ERICH3: variants seen among roughly 807,000 people sequenced by gnomAD.
ERICH3 encodes the protein glutamate-rich protein 3.
ERICH3 carries 126 observed loss-of-function variants against 131.1 expected under a neutral mutation model. That is an observed-to-expected ratio of 0.96 (90% CI 0.83 to 1.11). The LOEUF (loss-of-function observed/expected upper bound fraction) is 1.11, where lower values mean the gene tolerates loss of function less well. Among genes scored for constraint, ERICH3 ranks in the 50% most tolerant of loss-of-function variants. The pLI is 0.00. For missense variants in ERICH3, 2,050 were observed against 1,810.7 expected, an observed-to-expected ratio of 1.13 and a Z score of -2.40; for synonymous variants, 695 against 644.6, an observed-to-expected ratio of 1.08 and a Z score of -1.18.
chr1:74,571,710 C>T lies in ERICH3; in HGVS notation c.4000G>A (p.Gly1334Arg). Reference protein sequence around the residue: ...GNTQKNEGMGGGRVVAVEVLH... With the variant: ...GNTQKNEGMGRGRVVAVEVLH... ...ACTTCCACAGCCACAACCCTTCCTC[C>T]TCCCATGCCCTCATTCTTTTGTGTG... The change falls in exon 14 of 15, where the codon GGA becomes AGA. Residue 1334 changes from glycine (G) to arginine (R), a missense_variant. By Grantham distance (125) the Gly-to-Arg change is moderately radical. Coordinates refer to ENST00000326665, the MANE Select transcript of ERICH3 (RefSeq NM_001002912.5). 1 of 1,614,140 alleles carries T rather than the reference C, an allele frequency of 6.2e-7. No homozygotes were observed. Among genetic ancestry groups the T allele is most frequent in the Non-Finnish European group, 8.5e-7 (1 of 1,180,016 alleles).
Position 74,618,546 on chromosome 1 carries a change from A to G in ERICH3, c.1000+2188T>C, listed in dbSNP as rs71655502. Among the ~76,000 whole-genome samples, 322 of 152,310 alleles carry G rather than the reference A, an allele frequency of 2.1e-3. 1 individual carries two copies. The highest frequency in any genetic ancestry group is 3.0e-3 in the Non-Finnish European group (206 of 68,024). On this transcript the variant is annotated intron_variant, in intron 8 of 14. Transcript: ENST00000326665. ...AAAATTGTTACTTTATTTTGCACTT[A>G]AAATGAACCCAGGAAGCCATGGTTT...
rs41289214 is a variant in ERICH3, at chr1:74,573,280, C to T, written c.2430G>A (p.Arg810=). Residue 810 remains arginine (R), a synonymous_variant, in exon 14 of 15, where the codon AGG becomes AGA. Coordinates refer to ENST00000326665, the MANE Select transcript of ERICH3 (RefSeq NM_001002912.5). ...GCTGCTCTGCTGTTGGCTTCCACGC[C>T]CTCAAGGGAGCCTCATGAACAGCTC... ...EAGAVHEAPL[R]AWKPTAEQPE... is the part of the protein sequence containing the mutation. The T allele has an allele frequency of 0.012, 19,380 of 1,599,300 alleles. 152 individuals are homozygous for T. Among genetic ancestry groups the T allele is most frequent in the Non-Finnish European group, 0.014 (16,521 of 1,173,980 alleles).
At position 74,572,320 on chromosome 1, in the gene ERICH3, T is replaced by C. The variant is rs376202548; in HGVS notation, c.3390A>G (p.Ala1130=). Residue 1130 remains alanine (A), a synonymous_variant, in exon 14 of 15, where the codon GCA becomes GCG. Coordinates refer to ENST00000326665, the MANE Select transcript of ERICH3 (RefSeq NM_001002912.5). The part of the protein sequence containing the change: ...NEMGSDAENE[A]PVEASELSDN... ...CAGACAACTCAGAAGCCTCCACAGG[T>C]GCTTCGTTCTCAGCATCAGATCCCA... 132 of 1,613,788 alleles carry C rather than the reference T, an allele frequency of 8.2e-5. No individual in the cohort carries two copies. Among genetic ancestry groups the C allele is most frequent in the Non-Finnish European group, 9.3e-5 (110 of 1,179,976 alleles).
chr1:74,620,425 T>C (rs1475723098), intron 8 of ERICH3, among the ~76,000 whole-genome samples: 2 of 152,196 alleles, frequency 1.3e-5, no homozygotes, highest in East Asian at 3.8e-4. Context: ...GCCAAATAGT[T>C]AACTTGGAAT....
At chr1:74,575,391 C>A (rs561046986) in intron 13 of ERICH3, among the ~76,000 whole-genome samples, 24 of 152,316 alleles carry the variant, frequency 1.6e-4, no homozygotes, top group African/African-American at 5.5e-4. Context: ...TACAGGTCAT[C>A]CTCTGCTTAT....
intron 2 of ERICH3, among the ~76,000 whole-genome samples, chr1:74,648,862 T>C (rs1258712906): frequency 6.6e-6 from 1 of 152,130 alleles, no homozygotes; most frequent in East Asian, 1.9e-4. Context: ...AAAAGCAATA[T>C]TTTTTCCGAA....
At chr1:74,609,928 T>C (rs1557682075) in intron 9 of ERICH3, among the ~76,000 whole-genome samples, 1 of 151,912 alleles carries the variant, frequency 6.6e-6, no homozygotes, top group Non-Finnish European at 1.5e-5. Flanking sequence ...AATAGGAGAG[T>C]AAATGCCATC....
intron 1 of ERICH3, among the ~76,000 whole-genome samples, chr1:74,662,039 T>A (rs1254905983): frequency 2.0e-5 from 3 of 152,212 alleles, no homozygotes; most frequent in African/African-American, 7.2e-5. Context: ...TCCCATTTTT[T>A]GCCCACACTC....
intron 1 of ERICH3, among the ~76,000 whole-genome samples, chr1:74,664,296 A>G (rs1646668962): frequency 8.1e-6 from 1 of 123,834 alleles, no homozygotes; most frequent in South Asian, 2.6e-4. Context: ...ACAGATAAAT[A>G]CAAAAAGGAA....
At chr1:74,592,772 C>G (rs1297117953) in intron 11 of ERICH3, among the ~76,000 whole-genome samples, 1 of 152,146 alleles carries the variant, frequency 6.6e-6, no homozygotes, top group Non-Finnish European at 1.5e-5. Context: ...TTTCAAATTT[C>G]TCCCTAACCT....
intron 11 of ERICH3, among the ~76,000 whole-genome samples, chr1:74,598,774 A>G (rs1390786595): frequency 6.6e-6 from 1 of 151,924 alleles, no homozygotes; most frequent in African/African-American, 2.4e-5. Flanking sequence ...GAGTGGGTGT[A>G]TCACAAAACA....
chr1:74,580,689 A>G (rs1174526139), intron 12 of ERICH3, among the ~76,000 whole-genome samples: 1 of 152,160 alleles, frequency 6.6e-6, no homozygotes, highest in Non-Finnish European at 1.5e-5. Flanking sequence ...CCTGCTATAC[A>G]ATGTACATTC....
intron 12 of ERICH3, among the ~76,000 whole-genome samples, chr1:74,583,642 A>G (rs115657456): frequency 0.024 from 3,580 of 152,214 alleles, 144 homozygotes; most frequent in African/African-American, 0.082. Context: ...GGCAGTAGAA[A>G]GGTAAGGAGA....
intron 11 of ERICH3, among the ~76,000 whole-genome samples, chr1:74,590,954 C>T (rs923012807): frequency 5.9e-5 from 9 of 152,126 alleles, no homozygotes; most frequent in Non-Finnish European, 1.2e-4. Context: ...TCCTTTGTCT[C>T]TTCAACAAAA....
intron 12 of ERICH3, among the ~76,000 whole-genome samples, chr1:74,583,696 C>A (rs1570818616): frequency 6.6e-6 from 1 of 152,210 alleles, no homozygotes; most frequent in East Asian, 1.9e-4. Flanking sequence ...TGGTTTACGC[C>A]CTGAAACAAA....
At chr1:74,589,536 A>T in intron 12 of ERICH3, 95 bp downstream of exon 12, 1 of 1,162,298 alleles carries the variant, frequency 8.6e-7, no homozygotes, top group South Asian at 1.5e-5. Context: ...AAGCATTGTC[A>T]CAGTAGTATT....
rs765565432 is a variant in ERICH3, at chr1:74,620,776, C to G, written c.958G>C (p.Gly320Arg). The change falls in exon 8 of 15, where the codon GGG becomes CGG. Residue 320 changes from glycine to arginine, a missense_variant. Coordinates refer to ENST00000326665, the MANE Select transcript of ERICH3 (RefSeq NM_001002912.5). ...EIKVYQQHCG[G>R]ENLCVYKGKL... ...CCTTTGTAGACACAAAGGTTTTCCC[C>G]ACCACAGTGCTGCTGATAAACTTTA... The G allele has an allele frequency of 1.2e-6, 2 of 1,611,282 alleles. No homozygotes were observed. The highest frequency in any genetic ancestry group is 1.7e-6 in the Non-Finnish European group (2 of 1,179,098).
At chr1:74,588,191 T>C (rs936490269) in intron 12 of ERICH3, among the ~76,000 whole-genome samples, 1 of 152,194 alleles carries the variant, frequency 6.6e-6, no homozygotes, top group Non-Finnish European at 1.5e-5. Context: ...ACCTTCAAAA[T>C]TGTATTTAAC....
intron 12 of ERICH3, among the ~76,000 whole-genome samples, chr1:74,577,833 A>G (rs1308818129): frequency 6.6e-6 from 1 of 152,200 alleles, no homozygotes; most frequent in African/African-American, 2.4e-5. Flanking sequence ...AACGTGTGCT[A>G]TGGCTTTTAT....
Sources: gnomAD v4.1 joint callset for allele counts (sites outside exome capture counted in the v4.1 genomes callset) on GRCh38, gnomAD v4.1.1 for gene constraint, MANE v1.5 for transcripts, NCBI Gene and HGNC (gene_info 2026-07-23, HGNC 2026-07-21) for gene names.